Variants in HDAC5 observed in about 807,000 individuals in gnomAD.
HDAC5 encodes histone deacetylase 5, also known as antigen NY-CO-9.
HDAC5 carries 25 observed loss-of-function variants against 133.3 expected under a neutral mutation model. The ratio of observed to expected loss-of-function variants is 0.19; its 90% CI spans 0.14 to 0.26. The LOEUF (loss-of-function observed/expected upper bound fraction) is 0.26. Among genes scored for constraint, HDAC5 ranks in the 10% least tolerant of loss-of-function variants. The pLI, the probability that HDAC5 is intolerant of heterozygous loss-of-function variation, is 1.00. For missense variants in HDAC5, 1,041 were observed against 1,460.5 expected (o/e 0.71, Z 4.68); for synonymous variants, 589 against 610.8 (o/e 0.96, Z 0.53).
intron 3 of HDAC5, among the ~76,000 whole-genome samples, chr17:44,102,661 T>C (rs2051686658): frequency 8.0e-6 from 1 of 124,510 alleles, no homozygotes; most frequent in Non-Finnish European, 1.7e-5. Flanking sequence ...CCCGGCCAGG[T>C]TCTCTCTTTT....
intron 1 of HDAC5, among the ~76,000 whole-genome samples, chr17:44,122,807 G>C (rs999694097): frequency 2.0e-5 from 3 of 152,138 alleles, no homozygotes; most frequent in African/African-American, 7.2e-5. Context: ...ATGAAAAATG[G>C]GGGGCATCCA....
At chr17:44,123,104 G>A (rs1262328123) in intron 1 of HDAC5, 4 of 164,696 alleles carry the variant, frequency 2.4e-5, no homozygotes, top group Admixed American at 1.9e-4. Context: ...GGTGTCCAGC[G>A]AAGAGGGGTC....
intron 3 of HDAC5, among the ~76,000 whole-genome samples, chr17:44,100,907 G>T (rs187642425): frequency 0.01 from 1,548 of 148,846 alleles, 22 homozygotes; most frequent in African/African-American, 0.035. Context: ...TCCTGCCTCA[G>T]CCTCCTGAAT....
At chr17:44,084,198 C>A (rs549680448) in intron 16 of HDAC5, among the ~76,000 whole-genome samples, 1 of 151,916 alleles carries the variant, frequency 6.6e-6, no homozygotes, top group Non-Finnish European at 1.5e-5. Context: ...GACCCAAGTA[C>A]AAGACAGGCC....
At chr17:44,109,206 C>T (rs2052183888) in intron 3 of HDAC5, among the ~76,000 whole-genome samples, 1 of 152,208 alleles carries the variant, frequency 6.6e-6, no homozygotes, top group Admixed American at 6.5e-5. Flanking sequence ...GTGGAGCTGT[C>T]CCAAGCAGAT....
intron 13 of HDAC5, 43 bp downstream of exon 13, chr17:44,087,369 A>G: frequency 1.4e-6 from 1 of 740,152 alleles, no homozygotes. Flanking sequence ...GGAGAAGGAC[A>G]GAGGGGTGGT....
chr17:44,103,135 G>C (rs993839578), intron 3 of HDAC5, among the ~76,000 whole-genome samples: 2 of 152,044 alleles, frequency 1.3e-5, no homozygotes, highest in African/African-American at 4.8e-5. Context: ...TCTTGTTCCT[G>C]TCCTGGCCTG....
intron 3 of HDAC5, among the ~76,000 whole-genome samples, chr17:44,107,288 C>T (rs772539746): frequency 6.6e-6 from 1 of 152,128 alleles, no homozygotes; most frequent in Non-Finnish European, 1.5e-5. Flanking sequence ...CAATTATACA[C>T]CACAGCTATC....
intron 14 of HDAC5, 63 bp downstream of exon 14, chr17:44,086,508 GC>G (rs2050656201): frequency 1.6e-6 from 2 of 1,236,092 alleles, no homozygotes; most frequent in Admixed American, 8.1e-5. Context: ...CTGCCATGGG[GC>G]AGACACCACA....
At chr17:44,080,573 C>T in intron 21 of HDAC5, 75 bp from the exon 22 acceptor site, 1 of 1,519,920 alleles carries the variant, frequency 6.6e-7, no homozygotes, top group Non-Finnish European at 9.1e-7. Context: ...CTCACCCCTG[C>T]CTCCAGATCT....
rs2053144519 is a variant in HDAC5, at chr17:44,123,544, AGCAGCGGCG to A, written c.-239_-231del. On this transcript the variant is annotated 5_prime_UTR_variant, in exon 1 of 27. Transcript: ENST00000682912. Reference sequence around the variant, plus strand: ...CTCCGGCTTCGCGGGCGGCGGCGGCAGCAGCGGCGGCGGCAGCGGCGGCAGCACCTCCTC... The same window carrying A: ...CTCCGGCTTCGCGGGCGGCGGCGGCAGCGGCAGCGGCGGCAGCACCTCCTC... 2.5e-6 allele frequency: 1 copy of A among 399,518 alleles called. No homozygotes were observed. The allele number at this position is 399,518 out of a possible 1,614,324, so 24.7% of individuals were successfully genotyped here. A position where few individuals can be genotyped will look rare whatever the true frequency, so the allele number is the denominator to read the frequency against.
intron 1 of HDAC5, among the ~76,000 whole-genome samples, chr17:44,121,648 C>A (rs1284519997): frequency 1.3e-5 from 2 of 151,936 alleles, no homozygotes; most frequent in Non-Finnish European, 2.9e-5. Context: ...CCCCGCCCAA[C>A]ATTCCCAGGC....
At chr17:44,086,393 G>A (rs535899668) in intron 14 of HDAC5, among the ~76,000 whole-genome samples, 179 bp downstream of exon 14, 87 of 152,378 alleles carry the variant, frequency 5.7e-4, no homozygotes, top group Middle Eastern at 3.4e-3. Flanking sequence ...GGCTGAGGCA[G>A]AAGGCCCTGC....
At chr17:44,114,783 C>T (rs2052555777) in intron 2 of HDAC5, among the ~76,000 whole-genome samples, 1 of 152,196 alleles carries the variant, frequency 6.6e-6, no homozygotes, top group Non-Finnish European at 1.5e-5. Flanking sequence ...CATGCAGAAG[C>T]AAACAGTTCC....
chr17:44,096,429 C>T (rs2051273792), intron 3 of HDAC5, among the ~76,000 whole-genome samples: 2 of 146,290 alleles, frequency 1.4e-5, no homozygotes, highest in Middle Eastern at 3.5e-3. Context: ...CATTAAGAGG[C>T]GAGAGAGGGA....
At chr17:44,082,709 G>C in intron 19 of HDAC5, 37 bp from the exon 20 acceptor site, 1 of 1,611,392 alleles carries the variant, frequency 6.2e-7, no homozygotes, top group Non-Finnish European at 8.5e-7. Context: ...GTCAGCCTCA[G>C]CATGACGTTT....
At chr17:44,079,703 TAGCACAAAA>T (rs2050299921) in intron 23 of HDAC5, among the ~76,000 whole-genome samples, 1 of 121,192 alleles carries the variant, frequency 8.3e-6, no homozygotes, top group Non-Finnish European at 1.8e-5. Context: ...GTGGGACAAA[TAGCACAAAA>T]TGTGATGGGA....
intron 3 of HDAC5, among the ~76,000 whole-genome samples, chr17:44,102,532 TGTATTTTTA>T (rs1447701510): frequency 6.6e-6 from 1 of 151,890 alleles, no homozygotes; most frequent in Non-Finnish European, 1.5e-5. Context: ...AGCTAATTTT[TGTATTTTTA>T]GTAGAGACGG....
chr17:44,092,133 C>G (rs1250287399), intron 9 of HDAC5, 39 bp downstream of exon 9: 1 of 1,569,432 alleles, frequency 6.4e-7, no homozygotes, highest in South Asian at 1.1e-5. Flanking sequence ...GAAGGAGCAA[C>G]TCTGTCCCCG....
Sources: gnomAD v4.1 joint callset for allele counts (sites outside exome capture counted in the v4.1 genomes callset) on GRCh38, gnomAD v4.1.1 for gene constraint, MANE v1.5 for transcripts, NCBI Gene and HGNC (gene_info 2026-07-23, HGNC 2026-07-21) for gene names.